The following MED12L variants were observed in gnomAD, a reference collection of about 807,000 sequenced individuals.
MED12L encodes the protein mediator complex subunit 12L, also known as mediator of RNA polymerase II transcription subunit 12-like protein.
Under a neutral mutation model 281.3 loss-of-function variants are expected in MED12L, and 60 were observed. That is an observed-to-expected ratio of 0.21 (90% confidence interval 0.17 to 0.26). The LOEUF is 0.26. MED12L is among the 10% of genes least tolerant of loss of function. The probability of loss-of-function intolerance (pLI) is 1.00; values close to 1 mark genes in which losing one functional copy is unlikely to be tolerated. For missense variants in MED12L, 2,146 were observed against 2,680.9 expected, an observed-to-expected ratio of 0.80 and a Z score of 4.41; for synonymous variants, 974 against 987.2, an observed-to-expected ratio of 0.99 and a Z score of 0.25.
intron 16 of MED12L, among the ~76,000 whole-genome samples, chr3:151,323,287 G>A (rs1317411313): frequency 6.6e-6 from 1 of 152,112 alleles, no homozygotes; most frequent in Non-Finnish European, 1.5e-5. Context: ...TGGCCTCACT[G>A]GCTCTTCCTT....
At chr3:151,379,885 C>G (rs994599484) in intron 31 of MED12L, among the ~76,000 whole-genome samples, 1 of 152,116 alleles carries the variant, frequency 6.6e-6, no homozygotes, top group African/African-American at 2.4e-5. Flanking sequence ...TGGTTTGATG[C>G]TAGTTTGAGA....
intron 16 of MED12L, among the ~76,000 whole-genome samples, chr3:151,345,379 G>A (rs116644456): frequency 0.019 from 2,873 of 152,160 alleles, 122 homozygotes; most frequent in African/African-American, 0.066. Flanking sequence ...ACTTGAGGGC[G>A]TTTAAACACC....
intron 16 of MED12L, chr3:151,294,273 G>A (rs762139683): frequency 1.2e-6 from 2 of 1,613,562 alleles, no homozygotes; most frequent in East Asian, 2.2e-5. Context: ...TTTTTGAACA[G>A]CCTTCTTGAA....
At chr3:151,259,345 G>T (rs1738440106) in intron 16 of MED12L, among the ~76,000 whole-genome samples, 1 of 152,132 alleles carries the variant, frequency 6.6e-6, no homozygotes, top group African/African-American at 2.4e-5. Context: ...CTGATCTGAG[G>T]TACAGAACCC....
chr3:151,238,248 G>A (rs1340723467), intron 16 of MED12L, among the ~76,000 whole-genome samples: 1 of 152,252 alleles, frequency 6.6e-6, no homozygotes, highest in Non-Finnish European at 1.5e-5. Context: ...CCAGGTTCAA[G>A]CAATTCTCCT....
chr3:151,425,282 T>C (rs1404578486), intron 43 of MED12L: 1 of 169,498 alleles, frequency 5.9e-6, no homozygotes, highest in African/African-American at 2.4e-5. Context: ...AAATAGAAAT[T>C]ACTAATTAGC....
At chr3:151,327,873 G>A (rs1491980) in intron 16 of MED12L, 13 of 716,754 alleles carry the variant, frequency 1.8e-5, no homozygotes, top group East Asian at 7.9e-5. Flanking sequence ...TTCTGTACAC[G>A]AGGATAATAA....
intron 5 of MED12L, among the ~76,000 whole-genome samples, chr3:151,129,514 T>G (rs1715049247): frequency 6.6e-6 from 1 of 152,100 alleles, no homozygotes; most frequent in South Asian, 2.1e-4. Context: ...TTTTATTTTA[T>G]TTGAGGGAAT....
chr3:151,119,468 G>A (rs1713400351), intron 3 of MED12L, among the ~76,000 whole-genome samples: 2 of 152,134 alleles, frequency 1.3e-5, no homozygotes, highest in South Asian at 4.1e-4. Flanking sequence ...TTCTCCTTGT[G>A]TGTTCCTCCG....
chr3:151,182,608 C>T (rs756911023), intron 11 of MED12L, among the ~76,000 whole-genome samples: 2 of 151,956 alleles, frequency 1.3e-5, no homozygotes, highest in Non-Finnish European at 2.9e-5. Flanking sequence ...CACTGAGGCC[C>T]GAGGTGGAGG....
intron 16 of MED12L, among the ~76,000 whole-genome samples, chr3:151,300,551 A>G (rs1182207392): frequency 1.3e-5 from 2 of 152,214 alleles, no homozygotes; most frequent in African/African-American, 4.8e-5. Flanking sequence ...TCTGGATTCT[A>G]TCACGTATTG....
At chr3:151,235,486 A>T (rs921889604) in intron 16 of MED12L, among the ~76,000 whole-genome samples, 1 of 152,152 alleles carries the variant, frequency 6.6e-6, no homozygotes, top group Non-Finnish European at 1.5e-5. Flanking sequence ...TGGGCAGATC[A>T]TGAGGTCAGG....
At chr3:151,368,306 A>G in intron 25 of MED12L, 55 bp downstream of exon 25, 1 of 1,471,602 alleles carries the variant, frequency 6.8e-7, no homozygotes, top group Non-Finnish European at 9.5e-7. Flanking sequence ...TAAAGTTTCT[A>G]AAATGACCAA....
In MED12L at chr3:151,394,651, T is replaced by G. The variant is rs960700887; in HGVS notation, c.5609-5T>G. 1.2e-6 allele frequency: 2 copies of G among 1,613,804 alleles called. No homozygotes were observed. The highest frequency in any genetic ancestry group is 1.3e-5 in the African/African-American group (1 of 74,880). Reference sequence around the variant, plus strand: ...GAAAGTGTTTCCTTTTGGTTGCTTTTGTAGGTGGCTCCAGATTGGACCCTG... The same window carrying G: ...GAAAGTGTTTCCTTTTGGTTGCTTTGGTAGGTGGCTCCAGATTGGACCCTG... On this transcript the variant is annotated splice_polypyrimidine_tract_variant and splice_region_variant and intron_variant, in intron 38 of 44. Transcript: ENST00000687756.
At chr3:151,403,080 A>G (rs1715888809) in intron 39 of MED12L, among the ~76,000 whole-genome samples, 1 of 151,806 alleles carries the variant, frequency 6.6e-6, no homozygotes, top group African/African-American at 2.4e-5. Context: ...CAAAATGAGA[A>G]GCAGGTTTTT....
At position 151,385,965 on chromosome 3, in the gene MED12L, G is replaced by T. The variant is rs111639287; in HGVS notation, c.5088+774G>T. ...AGTTCCTACCCTCAAGGGGGAAGTAGACAGACAATTACAGTGTAATGAGAT... is the reference window on the plus strand; with the variant it reads ...AGTTCCTACCCTCAAGGGGGAAGTATACAGACAATTACAGTGTAATGAGAT... On this transcript the variant is annotated intron_variant, in intron 36 of 44. Transcript: ENST00000687756. Among the ~76,000 whole-genome samples, 891 of 152,244 alleles carry T rather than the reference G, an allele frequency of 5.9e-3. 8 individuals are homozygous for T. Among genetic ancestry groups the T allele is most frequent in the South Asian group, 0.023 (112 of 4,820 alleles).
chr3:151,393,841 T>C (rs1714609460), intron 38 of MED12L, among the ~76,000 whole-genome samples: 1 of 152,216 alleles, frequency 6.6e-6, no homozygotes. Flanking sequence ...TTTGTTTTCA[T>C]CATACACCTT....
At chr3:151,091,350 G>C (rs1720022587) in intron 2 of MED12L, among the ~76,000 whole-genome samples, 1 of 152,302 alleles carries the variant, frequency 6.6e-6, no homozygotes, top group Admixed American at 6.5e-5. Flanking sequence ...AGATTACCCT[G>C]AAGGCTGGTT....
At chr3:151,124,236 C>T (rs916497669) in intron 4 of MED12L, among the ~76,000 whole-genome samples, 2 of 152,120 alleles carry the variant, frequency 1.3e-5, no homozygotes, top group African/African-American at 2.4e-5. Context: ...GGAGTTGATG[C>T]CCTTGCTCTA....
Sources: allele counts gnomAD v4.1 joint callset (sites outside exome capture counted in the v4.1 genomes callset), GRCh38; gene constraint gnomAD v4.1.1; transcripts MANE v1.5; gene names NCBI Gene and HGNC (gene_info 2026-07-23, HGNC 2026-07-21).